NOL4: variants seen among roughly 807,000 people sequenced by gnomAD.
The protein encoded by NOL4 is nucleolar protein 4.
NOL4 carries 17 observed loss-of-function variants against 75.9 expected under a neutral mutation model. That is an observed-to-expected ratio of 0.22 (90% CI 0.15 to 0.34). The LOEUF (loss-of-function observed/expected upper bound fraction) is 0.34, where lower values mean the gene tolerates loss of function less well. Ranked by LOEUF, NOL4 falls within the 10% of genes least tolerant of loss-of-function variation. The pLI is 1.00. For missense variants in NOL4, 614 were observed against 793.5 expected (o/e 0.77, Z 2.72); for synonymous variants, 292 against 289.9 (o/e 1.01, Z -0.07).
chr18:34,069,188 T>C (rs1348630896), intron 5 of NOL4, among the ~76,000 whole-genome samples: 5 of 152,090 alleles, frequency 3.3e-5, no homozygotes, highest in African/African-American at 1.2e-4. Context: ...AGTTGGAAAA[T>C]TAGAAACTCT....
rs75222515 is a variant in NOL4 at position 34,015,815 on chromosome 18, T to C, written c.1056+3503A>G. Among the ~76,000 whole-genome samples the C allele has an allele frequency of 3.3e-5, 5 of 152,226 alleles. No individual in the cohort carries two copies. In the East Asian group the frequency reaches 9.7e-4, roughly 29 times the overall value. On this transcript the variant is annotated intron_variant, in intron 6 of 10. Coordinates refer to ENST00000261592, the MANE Select transcript of NOL4 (RefSeq NM_003787.5). ...AACCTGCTTCTTCAAATGTTTCTCA[T>C]TCTGAATCTTAGTAAACGGATTCGT...
chr18:33,905,294 G>T (rs1452185306), intron 9 of NOL4, among the ~76,000 whole-genome samples: 3 of 152,028 alleles, frequency 2.0e-5, no homozygotes, highest in Non-Finnish European at 4.4e-5. Context: ...GAAAGAAAAA[G>T]GACCTGAACA....
At chr18:34,041,588 T>C (rs984370230) in intron 5 of NOL4, among the ~76,000 whole-genome samples, 2 of 151,954 alleles carry the variant, frequency 1.3e-5, no homozygotes, top group Non-Finnish European at 1.5e-5. Flanking sequence ...TGAATTCACA[T>C]TTGCTGCATT....
At chr18:34,012,605 A>G (rs1327581656) in intron 6 of NOL4, among the ~76,000 whole-genome samples, 2 of 151,900 alleles carry the variant, frequency 1.3e-5, no homozygotes, top group Non-Finnish European at 2.9e-5. Flanking sequence ...AATTTACCCT[A>G]GAGCTGTTAA....
chr18:34,109,794 CAAAT>C (rs1190628136), intron 2 of NOL4, among the ~76,000 whole-genome samples: 2 of 151,154 alleles, frequency 1.3e-5, no homozygotes, highest in African/African-American at 4.9e-5. Flanking sequence ...AGAGAAGAAT[CAAAT>C]AAATAAAATT....
At chr18:33,906,083 C>T (rs2066026586) in intron 9 of NOL4, among the ~76,000 whole-genome samples, 1 of 152,132 alleles carries the variant, frequency 6.6e-6, no homozygotes, top group African/African-American at 2.4e-5. Context: ...GCATGTAGGC[C>T]AAGCTAACTA....
chr18:33,900,731 A>T (rs1340419318), intron 9 of NOL4, among the ~76,000 whole-genome samples: 1 of 152,178 alleles, frequency 6.6e-6, no homozygotes, highest in African/African-American at 2.4e-5. Context: ...AAGTTTTGGC[A>T]TATGTTTTCA....
At chr18:34,191,664 CT>C (rs1387304662) in intron 1 of NOL4, among the ~76,000 whole-genome samples, 4 of 152,084 alleles carry the variant, frequency 2.6e-5, no homozygotes, top group Non-Finnish European at 5.9e-5. Flanking sequence ...GGAGAAATAA[CT>C]TTCCTGAAAG....
chr18:34,081,935 A>G (rs537956340), intron 5 of NOL4, among the ~76,000 whole-genome samples: 14 of 152,200 alleles, frequency 9.2e-5, no homozygotes, highest in Non-Finnish European at 1.6e-4. Flanking sequence ...AGAGCTAGAC[A>G]GAACCAATAC....
intron 6 of NOL4, among the ~76,000 whole-genome samples, chr18:33,994,009 T>C (rs2073103066): frequency 6.6e-6 from 1 of 151,742 alleles, no homozygotes; most frequent in Non-Finnish European, 1.5e-5. Flanking sequence ...GCTACATTAA[T>C]ATAAGACAAA....
At chr18:33,889,610 C>T (rs1023707196) in intron 9 of NOL4, among the ~76,000 whole-genome samples, 3 of 152,048 alleles carry the variant, frequency 2.0e-5, no homozygotes, top group Non-Finnish European at 4.4e-5. Flanking sequence ...GCCAATATCC[C>T]TAATGAACAT....
In NOL4 at chr18:34,080,147, G is replaced by GACAAA. The variant is rs2077937083; in HGVS notation, c.772+13317_772+13318insTTTGT. Among the ~76,000 whole-genome samples the GACAAA allele has an allele frequency of 1.3e-5, 2 of 152,188 alleles. 1 individual carries two copies. The highest frequency in any genetic ancestry group is 1.3e-4 in the Admixed American group (2 of 15,276). Reference sequence around the variant, plus strand: ...TGTTCTTGTGCCTTTTGTCACCTGTGATGTGTCATTCATCCTCTGGATCTC... The same window carrying GACAAA: ...TGTTCTTGTGCCTTTTGTCACCTGTGACAAAATGTGTCATTCATCCTCTGGATCTC... On this transcript the variant is annotated intron_variant, in intron 5 of 10. Coordinates refer to ENST00000261592, the MANE Select transcript of NOL4 (RefSeq NM_003787.5).
At chr18:34,171,398 GT>G (rs1232263572) in intron 1 of NOL4, among the ~76,000 whole-genome samples, 2 of 152,054 alleles carry the variant, frequency 1.3e-5, no homozygotes, top group Non-Finnish European at 2.9e-5. Flanking sequence ...AAAAGGAAAA[GT>G]TTCATCATAG....
intron 2 of NOL4, among the ~76,000 whole-genome samples, chr18:34,124,217 A>G (rs557587125): frequency 6.6e-6 from 1 of 152,316 alleles, no homozygotes; most frequent in South Asian, 2.1e-4. Context: ...TAAGCCTGAT[A>G]GAGATTTTCT....
At chr18:33,983,613 C>T (rs555546644) in intron 6 of NOL4, among the ~76,000 whole-genome samples, 3 of 151,930 alleles carry the variant, frequency 2.0e-5, no homozygotes, top group Admixed American at 6.6e-5. Flanking sequence ...CACATATATG[C>T]ACACATATAC....
intron 1 of NOL4, among the ~76,000 whole-genome samples, chr18:34,163,080 G>T (rs951951220): frequency 6.6e-6 from 1 of 152,122 alleles, no homozygotes; most frequent in Non-Finnish European, 1.5e-5. Context: ...AGGTATTGAT[G>T]GGACATATCT....
chr18:34,019,443 G>C lies in NOL4; in HGVS notation c.931C>G (p.Leu311Val). 1 of 1,613,950 alleles carries C rather than the reference G, an allele frequency of 6.2e-7. No individual in the cohort carries two copies. The highest frequency in any genetic ancestry group is 8.5e-7 in the Non-Finnish European group (1 of 1,179,968). ...TATTCCGAAGTTAGCTGCGCAGAGAGGGGACTGTCACTCAGGTTCAGTGGC... is the reference window on the plus strand; with the variant it reads ...TATTCCGAAGTTAGCTGCGCAGAGACGGGACTGTCACTCAGGTTCAGTGGC... ...EQPLNLSDSPLSAQLTSEYRI... is the reference protein window; with the variant it reads ...EQPLNLSDSPVSAQLTSEYRI... Residue 311 changes from leucine (L) to valine (V), a missense_variant, in exon 6 of 11, where the codon CTC (leucine) becomes GTC (valine). Transcript: ENST00000261592.
At chr18:34,099,538 A>ACATCC (rs2078948809) in intron 4 of NOL4, among the ~76,000 whole-genome samples, 2 of 152,064 alleles carry the variant, frequency 1.3e-5, no homozygotes, top group East Asian at 3.9e-4. Flanking sequence ...CAGCAACTGC[A>ACATCC]CATCCTCCAA....
intron 6 of NOL4, among the ~76,000 whole-genome samples, chr18:34,012,733 G>T (rs1267913800): frequency 6.6e-6 from 1 of 151,846 alleles, no homozygotes; most frequent in Non-Finnish European, 1.5e-5. Context: ...TCTTTTCATG[G>T]TATAAAGTAA....
Sources: allele counts gnomAD v4.1 joint callset (sites outside exome capture counted in the v4.1 genomes callset), GRCh38; gene constraint gnomAD v4.1.1; transcripts MANE v1.5; gene names NCBI Gene and HGNC (gene_info 2026-07-23, HGNC 2026-07-21).